The following COL25A1 variants were observed in gnomAD, a reference collection of about 807,000 sequenced individuals.
COL25A1 encodes the protein collagen type XXV alpha 1 chain, also known as collagen alpha-1(XXV) chain.
Under a neutral mutation model 128.4 loss-of-function variants are expected in COL25A1, and 103 were observed. The ratio of observed to expected loss-of-function variants is 0.80; its 90% CI spans 0.68 to 0.94. COL25A1 has a LOEUF of 0.94. COL25A1 is among the 40% of genes least tolerant of loss of function. The pLI, the probability that COL25A1 is intolerant of heterozygous loss-of-function variation, is 0.00. For missense variants in COL25A1, 745 were observed against 840.0 expected, an observed-to-expected ratio of 0.89 and a Z score of 1.40; for synonymous variants, 279 against 277.2, an observed-to-expected ratio of 1.01 and a Z score of -0.06.
At chr4:108,861,982 AT>A (rs912617741) in intron 22 of COL25A1, among the ~76,000 whole-genome samples, 30 of 152,222 alleles carry the variant, frequency 2.0e-4, no homozygotes, top group South Asian at 4.2e-4. Flanking sequence ...TCTTGCACAC[AT>A]TTTTTTCCAC....
intron 23 of COL25A1, among the ~76,000 whole-genome samples, chr4:108,860,032 A>T (rs1396804753): frequency 1.3e-5 from 2 of 152,168 alleles, no homozygotes; most frequent in Non-Finnish European, 2.9e-5. Flanking sequence ...CTGATGTGAC[A>T]TGTAAAATTT....
intron 37 of COL25A1, among the ~76,000 whole-genome samples, chr4:108,816,340 A>G (rs1466013525): frequency 6.6e-6 from 1 of 152,202 alleles, no homozygotes. Context: ...ATCTTTCTGC[A>G]TTGCTACATA....
rs201934712 is a variant in COL25A1 at position 108,886,490 on chromosome 4, G to GTTT, written c.976-2269_976-2268insAAA. Among the ~76,000 whole-genome samples the GTTT allele has an allele frequency of 2.6e-4, 11 of 41,908 alleles. 2 individuals are homozygous for GTTT. Among genetic ancestry groups the GTTT allele is most frequent in the African/African-American group, 8.4e-4 (11 of 13,116 alleles). The allele number at this position is 41,908 out of a possible 152,430, so 27.5% of individuals were successfully genotyped here. A position where few individuals can be genotyped will look rare whatever the true frequency, so the allele number is the denominator to read the frequency against. On this transcript the variant is annotated intron_variant, in intron 18 of 37. Coordinates refer to ENST00000399132, the MANE Select transcript of COL25A1 (RefSeq NM_198721.4). The stretch of plus-strand genomic sequence containing the variant: ...TGTGTGTGTGTGTGTGTGTGTGTGT[G>GTTT]TGTTTAGCTCATCAGCTATTTTATG...
intron 8 of COL25A1, among the ~76,000 whole-genome samples, chr4:108,946,010 T>C (rs1748699098): frequency 6.6e-6 from 1 of 152,160 alleles, no homozygotes; most frequent in African/African-American, 2.4e-5. Context: ...TTTGAATTCT[T>C]AAGAAATCGG....
At chr4:109,164,596 AG>A (rs1470771797) in intron 3 of COL25A1, among the ~76,000 whole-genome samples, 1 of 152,208 alleles carries the variant, frequency 6.6e-6, no homozygotes, top group Non-Finnish European at 1.5e-5. Flanking sequence ...AAACTAGGTT[AG>A]CAACATTCAT....
intron 6 of COL25A1, among the ~76,000 whole-genome samples, chr4:108,984,601 G>GC (rs947409409): frequency 6.6e-6 from 1 of 152,234 alleles, no homozygotes; most frequent in Non-Finnish European, 1.5e-5. Context: ...CAGGTGCTAA[G>GC]CCCCTCACTG....
chr4:109,296,094 T>G (rs1303069724), intron 3 of COL25A1, among the ~76,000 whole-genome samples: 7 of 152,220 alleles, frequency 4.6e-5, no homozygotes, highest in African/African-American at 1.7e-4. Flanking sequence ...ATCATCCTCC[T>G]GTCTACAACA....
intron 3 of COL25A1, among the ~76,000 whole-genome samples, chr4:109,073,685 C>A (rs1285718217): frequency 1.3e-5 from 2 of 152,164 alleles, no homozygotes; most frequent in Non-Finnish European, 2.9e-5. Context: ...GCTATCATAT[C>A]TTTCCTGGCT....
In COL25A1 at chr4:109,077,147, G is replaced by A. The variant is rs114296703; in HGVS notation, c.368-26968C>T. On this transcript the variant is annotated intron_variant, in intron 3 of 37. Transcript: ENST00000399132. ...ACACCAAACAATAAGTAAAGGGTTT[G>A]ATAAGTGACCACCATGGGCTAAATG... Among the ~76,000 whole-genome samples the A allele has an allele frequency of 2.4e-3, 365 of 152,300 alleles. 2 individuals are homozygous for A. Among genetic ancestry groups the A allele is most frequent in the African/African-American group, 8.2e-3 (339 of 41,560 alleles).
Position 108,862,555 on chromosome 4 carries a change from C to A in COL25A1, c.1153-10G>T, listed in dbSNP as rs1223908537. 5.6e-6 allele frequency: 9 copies of A among 1,607,668 alleles called. No homozygotes were observed. Among genetic ancestry groups the A allele is most frequent in the Non-Finnish European group, 7.7e-6 (9 of 1,174,896 alleles). ...ATTCACCTTGTTTCCCCTATTACAG[C>A]AGAATAAGAGGATGAAAAAGATAAA... is the stretch of plus-strand genomic sequence containing the variant. On this transcript the variant is annotated splice_polypyrimidine_tract_variant and intron_variant, in intron 21 of 37. Coordinates refer to ENST00000399132, the MANE Select transcript of COL25A1 (RefSeq NM_198721.4).
At chr4:109,298,622 C>A (rs540214540) in intron 3 of COL25A1, among the ~76,000 whole-genome samples, 1 of 152,194 alleles carries the variant, frequency 6.6e-6, no homozygotes, top group East Asian at 1.9e-4. Flanking sequence ...CCTCACTGGC[C>A]GTATTAGAAA....
At chr4:108,882,311 A>ACT (rs1740229960) in intron 19 of COL25A1, among the ~76,000 whole-genome samples, 2 of 147,952 alleles carry the variant, frequency 1.4e-5, no homozygotes, top group Middle Eastern at 7.1e-3. Flanking sequence ...ATTCTCAAGT[A>ACT]CTCTCTCTCT....
chr4:108,895,965 A>G (rs1380340391), intron 16 of COL25A1, among the ~76,000 whole-genome samples: 1 of 24,476 alleles, frequency 4.1e-5, no homozygotes, highest in Admixed American at 6.5e-4. Flanking sequence ...TTTTTTTTTG[A>G]GACAGAGTCT....
At chr4:109,270,451 G>A (rs1782117362) in intron 3 of COL25A1, among the ~76,000 whole-genome samples, 2 of 152,160 alleles carry the variant, frequency 1.3e-5, no homozygotes, top group African/African-American at 4.8e-5. Context: ...GCCAAATCAT[G>A]AGTGAACTCC....
intron 3 of COL25A1, among the ~76,000 whole-genome samples, chr4:109,279,278 T>A (rs1723134851): frequency 6.6e-6 from 1 of 152,148 alleles, no homozygotes; most frequent in African/African-American, 2.4e-5. Context: ...AGATTTTGTG[T>A]TTGGCCAGAA....
rs111274858 is a variant in COL25A1 at position 108,956,553 on chromosome 4, G to A, written c.493-15116C>T. ...CCCGAGTAGCTGGGATTACAGGTGCGTGCCACGGCACCCAGCTAATTTTTG... is the reference window on the plus strand; with the variant it reads ...CCCGAGTAGCTGGGATTACAGGTGCATGCCACGGCACCCAGCTAATTTTTG... On this transcript the variant is annotated intron_variant, in intron 8 of 37. Transcript: ENST00000399132. Among the ~76,000 whole-genome samples, 1,013 of 152,200 alleles carry A rather than the reference G, an allele frequency of 6.7e-3. 11 individuals are homozygous for A. The highest frequency in any genetic ancestry group is 0.023 in the African/African-American group (939 of 41,522).
chr4:108,818,449 C>T (rs2125706498), intron 36 of COL25A1, among the ~76,000 whole-genome samples: 1 of 152,090 alleles, frequency 6.6e-6, no homozygotes, highest in South Asian at 2.1e-4. Context: ...TATGAATATA[C>T]TTTCATTTTA....
intron 3 of COL25A1, among the ~76,000 whole-genome samples, chr4:109,099,586 G>A (rs1765705869): frequency 1.3e-5 from 2 of 150,352 alleles, no homozygotes; most frequent in Non-Finnish European, 1.5e-5. Flanking sequence ...AAAACAAGGT[G>A]GGAAGTCTTT....
chr4:109,093,812 C>T (rs958495371), intron 3 of COL25A1, among the ~76,000 whole-genome samples: 13 of 152,172 alleles, frequency 8.5e-5, no homozygotes, highest in Non-Finnish European at 1.6e-4. Flanking sequence ...ATTCTTAATG[C>T]AATTTGGATG....
Sources: gnomAD v4.1 joint callset for allele counts (sites outside exome capture counted in the v4.1 genomes callset) on GRCh38, gnomAD v4.1.1 for gene constraint, MANE v1.5 for transcripts, NCBI Gene and HGNC (gene_info 2026-07-23, HGNC 2026-07-21) for gene names.